The following ACAP2 variants were observed in gnomAD, a reference collection of about 807,000 sequenced individuals.
The protein encoded by ACAP2 is ArfGAP with coiled-coil, ankyrin repeat and PH domains 2.
In ACAP2, 39 loss-of-function variants were observed where a neutral mutation model predicts 115.8. That is an observed-to-expected ratio of 0.34 (90% CI 0.26 to 0.44). The LOEUF is 0.44. Among genes scored for constraint, ACAP2 ranks in the 20% least tolerant of loss-of-function variants. The pLI is 1.00. For missense variants in ACAP2, 662 were observed against 927.6 expected (o/e 0.71, Z 3.72); for synonymous variants, 289 against 315.8 (o/e 0.92, Z 0.90).
chr3:195,427,315 C>T lies in ACAP2; in HGVS notation c.53+15480G>A, dbSNP rs185411249. Among the ~76,000 whole-genome samples the T allele has an allele frequency of 2.0e-3, 298 of 152,260 alleles. 2 individuals carry two copies. Among genetic ancestry groups the T allele is most frequent in the Middle Eastern group, 3.4e-3 (1 of 294 alleles). On this transcript the variant is annotated intron_variant, in intron 1 of 22. Transcript: ENST00000326793. Reference sequence around the variant, plus strand: ...GAGATCTGTATCAAAACTGTGATCTCCAGAACTGTAAAATCATTTTGTGTC... The same window carrying T: ...GAGATCTGTATCAAAACTGTGATCTTCAGAACTGTAAAATCATTTTGTGTC...
Position 195,275,593 on chromosome 3 carries a change from T to A in ACAP2, c.*3735A>T, listed in dbSNP as rs1201790805. On this transcript the variant is annotated 3_prime_UTR_variant, in exon 23 of 23. Transcript: ENST00000326793. ...CTGCTTTACAATGATTTCAAATCAT[T>A]TCATGATACAAATAAAGTGCCTCTG... is the stretch of plus-strand genomic sequence containing the variant. The A allele has an allele frequency of 6.6e-6, 1 of 152,186 alleles. No individual in the cohort carries two copies. Among genetic ancestry groups the A allele is most frequent in the African/African-American group, 2.4e-5 (1 of 41,450 alleles). 9.4% of individuals were successfully genotyped at this position (152,186 alleles called of 1,614,324 possible).
chr3:195,327,930 G>GC (rs1166726018), intron 8 of ACAP2, among the ~76,000 whole-genome samples: 1 of 151,176 alleles, frequency 6.6e-6, no homozygotes, highest in East Asian at 2.0e-4. Flanking sequence ...GACTCCATCA[G>GC]CCCTCCACCA....
chr3:195,291,815 C>G lies in ACAP2; in HGVS notation c.1954G>C (p.Gly652Arg). ...ATPLIQAVLG[G>R]SLVTCEFLLQ... is the part of the protein sequence containing the mutation. ...AGGAACTCACACGTCACCAAAGAGC[C>G]CTTAAAGGAAAAAAGAGGATAACTA... Residue 652 changes from glycine (G) to arginine (R), a missense_variant and splice_region_variant, in exon 20 of 23, where the codon GGC becomes CGC. Coordinates refer to ENST00000326793, the MANE Select transcript of ACAP2 (RefSeq NM_012287.6). The G allele has an allele frequency of 6.2e-7, 1 of 1,602,584 alleles. No homozygotes were observed. The highest frequency in any genetic ancestry group is 8.5e-7 in the Non-Finnish European group (1 of 1,176,486).
chr3:195,390,603 C>T (rs1322101672), intron 2 of ACAP2, among the ~76,000 whole-genome samples: 4 of 152,204 alleles, frequency 2.6e-5, no homozygotes, highest in South Asian at 2.1e-4. Flanking sequence ...ACAGCACGGG[C>T]GTCACCTGGA....
rs1184413555 is a variant in ACAP2 at position 195,342,498 on chromosome 3, T to A, written c.501A>T (p.Arg167=). 6.2e-7 allele frequency: 1 copy of A among 1,609,666 alleles called. No homozygotes were observed. Among genetic ancestry groups the A allele is most frequent in the Admixed American group, 1.7e-5 (1 of 58,806 alleles). ...NILTATRKCF[R]HIALDYVLQI... is the part of the protein sequence containing the mutation. ...GAAGCACATAATCGAGGGCTATGTG[T>A]CGGAAACATTTTCTTGTTGCTGTCA... The change falls in exon 6 of 23, where the codon CGA becomes CGT. Residue 167 remains arginine, a synonymous_variant. Coordinates refer to ENST00000326793, the MANE Select transcript of ACAP2 (RefSeq NM_012287.6).
intron 15 of ACAP2, among the ~76,000 whole-genome samples, chr3:195,298,007 C>G (rs577844386): frequency 5.9e-5 from 9 of 152,270 alleles, no homozygotes; most frequent in African/African-American, 2.2e-4. Flanking sequence ...TTCCCAAGAG[C>G]AGATCACCCA....
In ACAP2 at chr3:195,381,954, C is replaced by G. The variant is rs1414478957; in HGVS notation, c.180G>C (p.Met60Ile). 3.7e-6 allele frequency: 6 copies of G among 1,612,042 alleles called. No individual in the cohort carries two copies. The African/African-American group carries it at 8.0e-5, about 22-fold the overall frequency. Residue 60 changes from methionine to isoleucine, a missense_variant, in exon 3 of 23, where the codon ATG becomes ATC. By Grantham distance (10) the Met-to-Ile change is conservative. Transcript: ENST00000326793. ...ACTGAGCCAGGTCTCGAATCCCATT[C>G]ATGAACTGTTTATTTGCAACACAAA... The part of the protein sequence containing the change: ...KAFCVANKQF[M>I]NGIRDLAQYS...
At chr3:195,284,782 T>C (rs1726734454) in intron 22 of ACAP2, among the ~76,000 whole-genome samples, 1 of 152,240 alleles carries the variant, frequency 6.6e-6, no homozygotes, top group Non-Finnish European at 1.5e-5. Flanking sequence ...GCAAACTGAA[T>C]ATTCTCAAGT....
chr3:195,337,339 C>T (rs1455648006), intron 6 of ACAP2, among the ~76,000 whole-genome samples: 1 of 152,166 alleles, frequency 6.6e-6, no homozygotes. Context: ...TTTACCACTA[C>T]CACCATCATG....
Position 195,342,456 on chromosome 3 carries a change from T to A in ACAP2, c.528+15A>T. 6.3e-7 allele frequency: 1 copy of A among 1,583,116 alleles called. No homozygotes were observed. Among genetic ancestry groups the A allele is most frequent in the South Asian group, 1.2e-5 (1 of 84,650 alleles). On this transcript the variant is annotated intron_variant, in intron 6 of 22. Transcript: ENST00000326793. ...AAGCACTGTCTGAAAACATACACAG[T>A]AAGAAACTATATACCTGAAGCACAT...
In ACAP2 at chr3:195,301,439, C is replaced by T. The variant is rs1040010455; in HGVS notation, c.1395+136G>A. On this transcript the variant is annotated intron_variant, in intron 15 of 22. Coordinates refer to ENST00000326793, the MANE Select transcript of ACAP2 (RefSeq NM_012287.6). ...GAAAACACCAGATTTGCCAAAATAGCCTCAGATGTGTTTCAATACAATTTA... is the reference window on the plus strand; with the variant it reads ...GAAAACACCAGATTTGCCAAAATAGTCTCAGATGTGTTTCAATACAATTTA... 4.2e-6 allele frequency: 3 copies of T among 706,566 alleles called. No individual in the cohort carries two copies. In the African/African-American group the frequency reaches 5.4e-5, roughly 13 times the overall value. 43.8% of individuals were successfully genotyped at this position (706,566 alleles called of 1,614,324 possible).
intron 1 of ACAP2, among the ~76,000 whole-genome samples, chr3:195,438,191 A>G (rs1240595421): frequency 1.3e-5 from 2 of 151,018 alleles, no homozygotes; most frequent in Admixed American, 6.6e-5. Flanking sequence ...ACGCCCACCT[A>G]ATTTTTTTGT....
chr3:195,329,047 T>C (rs1467752911), intron 8 of ACAP2, among the ~76,000 whole-genome samples: 7 of 139,104 alleles, frequency 5.0e-5, no homozygotes, highest in East Asian at 2.2e-4. Context: ...GCCACTGTAC[T>C]CCAGCCTGGG....
chr3:195,337,004 C>T, intron 6 of ACAP2, 28 bp from the exon 7 acceptor site: 1 of 1,592,312 alleles, frequency 6.3e-7, no homozygotes, highest in Non-Finnish European at 8.6e-7. Flanking sequence ...TGGTTAATCA[C>T]CCATGCATTA....
At chr3:195,329,734 G>A (rs1730046756) in intron 8 of ACAP2, among the ~76,000 whole-genome samples, 1 of 152,056 alleles carries the variant, frequency 6.6e-6, no homozygotes, top group Admixed American at 6.5e-5. Context: ...GTATTTCTCA[G>A]TCCTAGGTTT....
At chr3:195,287,239 C>T (rs973992973) in intron 21 of ACAP2, among the ~76,000 whole-genome samples, 6 of 152,236 alleles carry the variant, frequency 3.9e-5, no homozygotes, top group East Asian at 1.9e-4. Flanking sequence ...AATAAGGTAT[C>T]GGTGACGATT....
chr3:195,310,279 T>A (rs1728677904), intron 10 of ACAP2, among the ~76,000 whole-genome samples: 1 of 152,218 alleles, frequency 6.6e-6, no homozygotes, highest in Non-Finnish European at 1.5e-5. Context: ...AAGACATTTG[T>A]TAAATAAGCA....
rs139383678 is a variant in ACAP2 at position 195,327,573 on chromosome 3, A to C, written c.670-614T>G. Among the ~76,000 whole-genome samples the C allele has an allele frequency of 9.8e-4, 150 of 152,346 alleles. 1 individual carries two copies. The East Asian group carries it at 0.028, about 29-fold the overall frequency. On this transcript the variant is annotated intron_variant, in intron 8 of 22. Coordinates refer to ENST00000326793, the MANE Select transcript of ACAP2 (RefSeq NM_012287.6). ...TAATAAAAGAATAGTAATCATTCAT[A>C]AGACCAAGGTAGGAAATCGGCAATT...
At chr3:195,374,545 C>T (rs1017098077) in intron 4 of ACAP2, among the ~76,000 whole-genome samples, 3 of 152,162 alleles carry the variant, frequency 2.0e-5, no homozygotes. Context: ...GAGAGAGGAG[C>T]TCCTGAGAGT....
Sources: allele counts gnomAD v4.1 joint callset (sites outside exome capture counted in the v4.1 genomes callset), GRCh38; gene constraint gnomAD v4.1.1; transcripts MANE v1.5; gene names NCBI Gene and HGNC (gene_info 2026-07-23, HGNC 2026-07-21).